The following URB1 variants were observed in gnomAD, a reference collection of about 807,000 sequenced individuals.
URB1 encodes the protein URB1 ribosome biogenesis factor.
A neutral mutation model predicts 242.3 loss-of-function variants in URB1; 197 were observed. The ratio of observed to expected loss-of-function variants is 0.81; its 90% CI spans 0.72 to 0.91. The LOEUF is 0.91. Ranked by LOEUF, URB1 falls within the 40% of genes least tolerant of loss-of-function variation. The pLI, the probability that URB1 is intolerant of heterozygous loss-of-function variation, is 0.00. For missense variants in URB1, 2,721 were observed against 2,860.5 expected, an observed-to-expected ratio of 0.95 and a Z score of 1.11; for synonymous variants, 1,153 against 1,201.8, an observed-to-expected ratio of 0.96 and a Z score of 0.84.
intron 5 of URB1, among the ~76,000 whole-genome samples, chr21:32,375,889 T>A (rs1214428955): frequency 1.3e-5 from 2 of 151,962 alleles, no homozygotes; most frequent in African/African-American, 4.8e-5. Flanking sequence ...CCCAGGAGTT[T>A]GAGGTTGCAG....
At position 32,350,920 on chromosome 21, in the gene URB1, C is replaced by T; in HGVS notation, c.2616G>A (p.Leu872=). The part of the protein sequence containing the change: ...WIPEQAREAW[L]LQAQGSPSPP... ...GCGAGGGGCTGCCCTGTGCCTGCAG[C>T]AGCTGAGGGAGACAGCAAAAGGCCG... Residue 872 remains leucine (L), a splice_region_variant and synonymous_variant, in exon 20 of 39, where the codon CTG becomes CTA. Coordinates refer to ENST00000382751, the MANE Select transcript of URB1 (RefSeq NM_014825.3). 6.5e-7 allele frequency: 1 copy of T among 1,544,518 alleles called. No homozygotes were observed. The highest frequency in any genetic ancestry group is 1.2e-5 in the South Asian group (1 of 83,946).
At chr21:32,382,194 G>A (rs1018227740) in intron 4 of URB1, among the ~76,000 whole-genome samples, 1 of 152,136 alleles carries the variant, frequency 6.6e-6, no homozygotes, top group Admixed American at 6.6e-5. Context: ...GAGATGGGTG[G>A]GGAGGGCATC....
rs2033076706 is a variant in URB1 at position 32,345,470 on chromosome 21, A to G, written c.3974T>C (p.Ile1325Thr). ...SPPASGLYQE[I>T]LAQLVPFARA... ...TGCAAACGGGACCAGCTGTGCCAGGATCTCCTGGTACAGCCCAGATGCTGG... is the reference window on the plus strand; with the variant it reads ...TGCAAACGGGACCAGCTGTGCCAGGGTCTCCTGGTACAGCCCAGATGCTGG... Residue 1325 changes from isoleucine (I) to threonine (T), a missense_variant, in exon 23 of 39, where the codon ATC becomes ACC. Coordinates refer to ENST00000382751, the MANE Select transcript of URB1 (RefSeq NM_014825.3). The G allele has an allele frequency of 2.6e-6, 4 of 1,551,474 alleles. No homozygotes were observed. The highest frequency in any genetic ancestry group is 3.5e-6 in the Non-Finnish European group (4 of 1,146,988).
intron 14 of URB1, among the ~76,000 whole-genome samples, chr21:32,359,026 G>A (rs1209131690): frequency 1.3e-5 from 2 of 152,150 alleles, no homozygotes; most frequent in Non-Finnish European, 2.9e-5. Flanking sequence ...GCCTCAGAAC[G>A]GGGACTCGAG....
intron 8 of URB1, among the ~76,000 whole-genome samples, chr21:32,371,795 A>C (rs1425212271): frequency 1.3e-5 from 2 of 151,416 alleles, no homozygotes. Flanking sequence ...GATAGGATGA[A>C]CAGTAGTAAG....
At chr21:32,323,008 T>C (rs1194891967) in intron 32 of URB1, among the ~76,000 whole-genome samples, 1 of 152,196 alleles carries the variant, frequency 6.6e-6, no homozygotes, top group African/African-American at 2.4e-5. Context: ...CAGACACTAC[T>C]GAGTGCCTCT....
rs974059706 is a variant in URB1, at chr21:32,314,405, G to C, written c.*513C>G. On this transcript the variant is annotated 3_prime_UTR_variant, in exon 39 of 39. Transcript: ENST00000382751. ...TCACCATGTTGGGAAGGCTGGTTTC[G>C]AACTCCTGACCTCAGGTGATTCACC... 5 of 681,000 alleles carry C rather than the reference G, an allele frequency of 7.3e-6. No individual in the cohort carries two copies. The African/African-American group carries it at 8.9e-5, about 12-fold the overall frequency. 42.2% of individuals were successfully genotyped at this position (681,000 alleles called of 1,614,324 possible).
chr21:32,355,001 G>C lies in URB1; in HGVS notation c.2107-4C>G. ...TCGCCACCAATGTCAATAAAATCTGGGCATTAAAGAGCCAAATAGAAAGCA... is the reference window on the plus strand; with the variant it reads ...TCGCCACCAATGTCAATAAAATCTGCGCATTAAAGAGCCAAATAGAAAGCA... On this transcript the variant is annotated splice_region_variant and splice_polypyrimidine_tract_variant and intron_variant, in intron 16 of 38. Transcript: ENST00000382751. 1.3e-6 allele frequency: 2 copies of C among 1,546,078 alleles called. No individual in the cohort carries two copies. The highest frequency in any genetic ancestry group is 2.7e-5 in the African/African-American group (2 of 73,024).
At chr21:32,345,226 TGGCTGGAAGTAGA>T in intron 23 of URB1, 135 bp downstream of exon 23, 1 of 871,622 alleles carries the variant, frequency 1.1e-6, no homozygotes, top group African/African-American at 1.7e-5. Flanking sequence ...CCAGGCAGGA[TGGCTGGAAGTAGA>T]GTTCTCATAG....
rs537908538 is a variant in URB1, at chr21:32,320,802, G to A, written c.5485-162C>T. 8.5e-5 allele frequency among the ~76,000 whole-genome samples: 13 copies of A among 152,290 alleles called. No individual in the cohort carries two copies. In the East Asian group the frequency reaches 2.5e-3, roughly 29 times the overall value. On this transcript the variant is annotated intron_variant, in intron 34 of 38. Transcript: ENST00000382751. ...CAGAGCGGTGGCCATGTACGAACGT[G>A]CCCTTCCCTACAAGAGACAGCCAGA...
At chr21:32,378,086 T>A (rs541360855) in intron 5 of URB1, among the ~76,000 whole-genome samples, 1 of 152,298 alleles carries the variant, frequency 6.6e-6, no homozygotes, top group South Asian at 2.1e-4. Context: ...TAAAACGACA[T>A]CTCCCAAGGA....
Position 32,347,476 on chromosome 21 carries a change from C to G in URB1, c.3348G>C (p.Glu1116Asp). Residue 1116 changes from glutamate (E) to aspartate (D), a missense_variant, in exon 22 of 39, where the codon GAG (glutamate) becomes GAC (aspartate). Coordinates refer to ENST00000382751, the MANE Select transcript of URB1 (RefSeq NM_014825.3). ...EALQELHPYM[E>D]GAQLREVTLA... ...GGGTGACCTCACGGAGCTGGGCACCCTCCATGTATGGATGCAGCTCCTGCA... is the reference window on the plus strand; with the variant it reads ...GGGTGACCTCACGGAGCTGGGCACCGTCCATGTATGGATGCAGCTCCTGCA... 6.4e-7 allele frequency: 1 copy of G among 1,551,110 alleles called. No homozygotes were observed. Among genetic ancestry groups the G allele is most frequent in the African/African-American group, 1.4e-5 (1 of 73,168 alleles).
intron 19 of URB1, among the ~76,000 whole-genome samples, chr21:32,351,946 G>A (rs2033163251): frequency 6.6e-6 from 1 of 152,314 alleles, no homozygotes; most frequent in South Asian, 2.1e-4. Context: ...AAAGGATGGT[G>A]AGAGTCCCGG....
chr21:32,381,529 G>A (rs2033527118), intron 4 of URB1, among the ~76,000 whole-genome samples: 2 of 151,192 alleles, frequency 1.3e-5, no homozygotes, highest in Admixed American at 6.6e-5. Context: ...GACGCAAAAG[G>A]GATCAAAGAT....
Position 32,328,634 on chromosome 21 carries a change from T to C in URB1, c.4961-3245A>G, listed in dbSNP as rs565210829. Among the ~76,000 whole-genome samples the C allele has an allele frequency of 3.9e-5, 6 of 152,308 alleles. No homozygotes were observed. The South Asian group carries it at 8.3e-4, about 21-fold the overall frequency. On this transcript the variant is annotated intron_variant, in intron 30 of 38. Transcript: ENST00000382751. ...TTGGGAAAGAGAAAAGTCTAAACAT[T>C]TAGTTTATACTCACTAAAAGCAGCT...
At chr21:32,365,967 C>T (rs1360946912) in intron 10 of URB1, among the ~76,000 whole-genome samples, 3 of 152,184 alleles carry the variant, frequency 2.0e-5, no homozygotes, top group African/African-American at 7.2e-5. Flanking sequence ...GGGCCCAGGA[C>T]CCACGTGTGC....
In URB1 at chr21:32,319,197, C is replaced by G. The variant is rs1247550136; in HGVS notation, c.5792+20G>C. 2.1e-5 allele frequency: 32 copies of G among 1,534,744 alleles called. No homozygotes were observed. Among genetic ancestry groups the G allele is most frequent in the African/African-American group, 1.4e-5 (1 of 71,804 alleles). On this transcript the variant is annotated intron_variant, in intron 36 of 38. Transcript: ENST00000382751. ...CATCCAAGAGGCCAGAAGGGCCCCC[C>G]TGGCGGGGGCAGGACTCACCTCAGG...
chr21:32,333,515 G>C (rs73901402), intron 29 of URB1, 96 bp from the exon 30 acceptor site: 1 of 1,020,534 alleles, frequency 9.8e-7, no homozygotes, highest in African/African-American at 1.6e-5. Context: ...GATCAGAAAT[G>C]TTTCAGATTT....
chr21:32,379,757 A>C (rs2048274594), intron 4 of URB1, among the ~76,000 whole-genome samples: 1 of 152,202 alleles, frequency 6.6e-6, no homozygotes, highest in African/African-American at 2.4e-5. Context: ...TGGGAGGCCA[A>C]GGAGGGTGGA....
Sources: allele counts gnomAD v4.1 joint callset (sites outside exome capture counted in the v4.1 genomes callset), GRCh38; gene constraint gnomAD v4.1.1; transcripts MANE v1.5; gene names NCBI Gene and HGNC (gene_info 2026-07-23, HGNC 2026-07-21).